The following FOXN3 variants were observed in gnomAD, a reference collection of about 807,000 sequenced individuals.
The protein encoded by FOXN3 is forkhead box N3, also known as forkhead box protein N3.
Under a neutral mutation model 38.4 loss-of-function variants are expected in FOXN3, and 7 were observed. The observed-to-expected ratio is 0.18, with a 90% confidence interval of 0.10 to 0.34. The LOEUF (loss-of-function observed/expected upper bound fraction) is 0.34. FOXN3 is among the 10% of genes least tolerant of loss of function. The probability of loss-of-function intolerance (pLI) is 1.00; values close to 1 mark genes in which losing one functional copy is unlikely to be tolerated. For missense variants in FOXN3, 456 were observed against 613.4 expected (o/e 0.74, Z 2.71); for synonymous variants, 230 against 242.2 (o/e 0.95, Z 0.47).
chr14:89,546,898 C>T (rs1234452544), intron 1 of FOXN3, among the ~76,000 whole-genome samples: 1 of 152,028 alleles, frequency 6.6e-6, no homozygotes, highest in South Asian at 2.1e-4. Context: ...ATTCTCCTGC[C>T]TCAGCCTCCC....
chr14:89,368,645 C>G (rs1372199580), intron 2 of FOXN3, among the ~76,000 whole-genome samples: 4 of 152,130 alleles, frequency 2.6e-5, no homozygotes, highest in African/African-American at 7.2e-5. Flanking sequence ...GACCCTGTTT[C>G]AAACGCAAAC....
At chr14:89,405,943 A>T (rs1220314603) in intron 2 of FOXN3, among the ~76,000 whole-genome samples, 1 of 151,984 alleles carries the variant, frequency 6.6e-6, no homozygotes, top group Non-Finnish European at 1.5e-5. Context: ...AATTGGGAGG[A>T]TTACTTGAGG....
At chr14:89,517,333 C>T (rs778008478) in intron 1 of FOXN3, among the ~76,000 whole-genome samples, 39 of 137,952 alleles carry the variant, frequency 2.8e-4, no homozygotes, top group Non-Finnish European at 2.9e-4. Flanking sequence ...CCAGCCTGGG[C>T]GACAGAAAGA....
At chr14:89,486,219 G>GA (rs1893444512) in intron 1 of FOXN3, among the ~76,000 whole-genome samples, 3 of 152,174 alleles carry the variant, frequency 2.0e-5, no homozygotes, top group Admixed American at 6.5e-5. Flanking sequence ...TACGATTAAA[G>GA]TAAAACATGA....
At chr14:89,356,621 G>C (rs571588652) in intron 2 of FOXN3, 2 of 152,186 alleles carry the variant, frequency 1.3e-5, no homozygotes, top group South Asian at 4.1e-4. Flanking sequence ...AATAGCTTTT[G>C]ATGTTTCTGA....
At chr14:89,576,154 C>T (rs1895612123) in intron 1 of FOXN3, 2 of 152,338 alleles carry the variant, frequency 1.3e-5, no homozygotes, top group Non-Finnish European at 2.9e-5. Context: ...TCAAAACAGC[C>T]ACGTGCTCTA....
chr14:89,287,496 A>G (rs1254419534), intron 3 of FOXN3, among the ~76,000 whole-genome samples: 1 of 152,100 alleles, frequency 6.6e-6, no homozygotes, highest in Non-Finnish European at 1.5e-5. Flanking sequence ...GAGTTAACTG[A>G]CACACTCAAG....
At chr14:89,312,575 T>C (rs1887590805) in intron 3 of FOXN3, among the ~76,000 whole-genome samples, 1 of 151,966 alleles carries the variant, frequency 6.6e-6, no homozygotes, top group Non-Finnish European at 1.5e-5. Context: ...TCTATCTCCT[T>C]GGTCCATAAA....
chr14:89,306,329 C>A (rs1049930153), intron 3 of FOXN3, among the ~76,000 whole-genome samples: 2 of 115,372 alleles, frequency 1.7e-5, no homozygotes, highest in South Asian at 2.8e-4. Flanking sequence ...GACACACAGA[C>A]GCATGCACAC....
At chr14:89,426,813 T>C (rs949860217) in intron 1 of FOXN3, among the ~76,000 whole-genome samples, 1 of 152,070 alleles carries the variant, frequency 6.6e-6, no homozygotes, top group Non-Finnish European at 1.5e-5. Context: ...GGGCTGGGAA[T>C]TGAACCCACA....
intron 1 of FOXN3, among the ~76,000 whole-genome samples, chr14:89,423,261 T>G (rs1891954252): frequency 6.6e-6 from 1 of 152,240 alleles, no homozygotes; most frequent in African/African-American, 2.4e-5. Context: ...TCTTACCACT[T>G]ACTAGCAGGT....
intron 4 of FOXN3, among the ~76,000 whole-genome samples, chr14:89,214,685 C>A (rs148949279): frequency 1.3e-5 from 2 of 152,348 alleles, no homozygotes; most frequent in Non-Finnish European, 2.9e-5. Flanking sequence ...CTGGCATCGA[C>A]CCTGGAAGTG....
chr14:89,316,992 A>G (rs544867019), intron 3 of FOXN3, among the ~76,000 whole-genome samples: 14 of 152,258 alleles, frequency 9.2e-5, no homozygotes, highest in African/African-American at 3.1e-4. Context: ...TAAGCCATTA[A>G]TTTGAGGTGT....
At chr14:89,471,543 C>A (rs1893095360) in intron 1 of FOXN3, among the ~76,000 whole-genome samples, 1 of 152,020 alleles carries the variant, frequency 6.6e-6, no homozygotes, top group Non-Finnish European at 1.5e-5. Context: ...GTGACTGCAC[C>A]ACTGCACTCC....
intron 1 of FOXN3, among the ~76,000 whole-genome samples, chr14:89,435,747 C>G (rs924838647): frequency 3.3e-5 from 5 of 152,180 alleles, no homozygotes; most frequent in African/African-American, 1.2e-4. Flanking sequence ...TAGAGTGACT[C>G]TGGCTTCTGC....
rs200825149 is a variant in FOXN3, at chr14:89,509,317, G to GT, written c.-14-96828dup. ...TACCACTATTTGCAAATTATATACA[G>GT]TTTTTTTTGTTGTTGTTTGTTTGTT... is the stretch of plus-strand genomic sequence containing the variant. On this transcript the variant is annotated intron_variant, in intron 1 of 6. Coordinates refer to the FOXN3 transcript ENST00000345097. 4.3e-4 allele frequency among the ~76,000 whole-genome samples: 49 copies of GT among 114,398 alleles called. 2 individuals are homozygous for GT. In the East Asian group the frequency reaches 8.9e-3, roughly 21 times the overall value. 75.0% of individuals were successfully genotyped at this position (114,398 alleles called of 152,430 possible).
chr14:89,381,186 A>G (rs17125796), intron 2 of FOXN3, among the ~76,000 whole-genome samples: 2,114 of 148,532 alleles, frequency 0.014, 66 homozygotes, highest in African/African-American at 0.05. Flanking sequence ...AATCAAACTC[A>G]GCAAACACAG....
At chr14:89,422,966 T>G (rs912682504) in intron 1 of FOXN3, among the ~76,000 whole-genome samples, 2 of 152,194 alleles carry the variant, frequency 1.3e-5, no homozygotes, top group African/African-American at 4.8e-5. Flanking sequence ...TGTCAACTCC[T>G]CTTTGAGCAT....
intron 3 of FOXN3, chr14:89,291,304 C>A: frequency 2.0e-6 from 1 of 492,412 alleles, no homozygotes. Flanking sequence ...GAAATGCAGC[C>A]ACGCATTCTC....
Sources: allele counts gnomAD v4.1 joint callset (sites outside exome capture counted in the v4.1 genomes callset), GRCh38; gene constraint gnomAD v4.1.1; transcripts MANE v1.5; gene names NCBI Gene and HGNC (gene_info 2026-07-23, HGNC 2026-07-21).